The following AMD1 variants were observed in gnomAD, a reference collection of about 807,000 sequenced individuals.
AMD1 encodes the protein S-adenosylmethionine decarboxylase proenzyme.
Under a neutral mutation model 40.2 loss-of-function variants are expected in AMD1, and 11 were observed. That is an observed-to-expected ratio of 0.27 (90% CI 0.17 to 0.45). AMD1 has a LOEUF of 0.45. Among genes scored for constraint, AMD1 ranks in the 20% least tolerant of loss-of-function variants. The pLI, the probability that AMD1 is intolerant of heterozygous loss-of-function variation, is 1.00. For synonymous variants in AMD1, 121 were observed against 130.8 expected (o/e 0.93, Z 0.51); for missense variants, 257 against 410.2 (o/e 0.63, Z 3.23).
At chr6:110,824,832 T>C in the AMD1 span, among the ~76,000 whole-genome samples, 1 of 152,192 alleles carries the variant, frequency 6.6e-6, no homozygotes. Flanking sequence ...CTAACTTTTA[T>C]TGAATCCTAG....
chr6:110,874,634 C>G (rs890909398), upstream of AMD1: 1 of 154,874 alleles, frequency 6.5e-6, no homozygotes, highest in Admixed American at 6.5e-5. Flanking sequence ...CCCGCGCTCT[C>G]CGCCAGGCCC....
the AMD1 span, chr6:110,863,813 G>A: frequency 6.0e-6 from 2 of 332,900 alleles, no homozygotes; most frequent in South Asian, 2.9e-5. Flanking sequence ...GAAACAAATG[G>A]CATCACCTGG....
chr6:110,858,783 C>A, the AMD1 span: 2 of 764,892 alleles, frequency 2.6e-6, no homozygotes, highest in Admixed American at 1.8e-5. Context: ...TCGGGCATGA[C>A]CGCGTACAGC....
the AMD1 span, chr6:110,859,086 GC>G: frequency 7.8e-7 from 1 of 1,283,692 alleles, no homozygotes; most frequent in East Asian, 2.3e-5. Context: ...TCCCTCGGGC[GC>G]GCAGGCTCGG....
In AMD1 at chr6:110,874,947, T is replaced by C. The variant is rs1286803579; in HGVS notation, c.-159T>C. On this transcript the variant is annotated 5_prime_UTR_variant, in exon 1 of 9. Coordinates refer to ENST00000368885, the MANE Select transcript of AMD1 (RefSeq NM_001634.6). ...CCGGGAAAATTTTATTAGTCCTTTT[T>C]TTAAAAAAAGTTAATATAAAATTAT... The C allele has an allele frequency of 5.0e-6, 3 of 600,224 alleles. No homozygotes were observed. The highest frequency in any genetic ancestry group is 3.1e-5 in the Admixed American group (1 of 32,606). 37.2% of individuals were successfully genotyped at this position (600,224 alleles called of 1,614,324 possible).
At chr6:110,824,954 T>C in the AMD1 span, among the ~76,000 whole-genome samples, 2 of 152,190 alleles carry the variant, frequency 1.3e-5, no homozygotes, top group Non-Finnish European at 2.9e-5. Flanking sequence ...TGTAGTTTTA[T>C]GGTTAGACAG....
At chr6:110,847,917 T>C in the AMD1 span, among the ~76,000 whole-genome samples, 2 of 151,624 alleles carry the variant, frequency 1.3e-5, no homozygotes, top group East Asian at 2.0e-4. Flanking sequence ...GGTTTCACCA[T>C]GTTGGCCAGG....
intron 1 of AMD1, among the ~76,000 whole-genome samples, chr6:110,880,109 C>T (rs1469534729): frequency 2.0e-5 from 3 of 152,216 alleles, no homozygotes; most frequent in South Asian, 4.2e-4. Context: ...GTATGCACCA[C>T]GATGCCTGGC....
At chr6:110,836,926 G>A in the AMD1 span, among the ~76,000 whole-genome samples, 1 of 152,036 alleles carries the variant, frequency 6.6e-6, no homozygotes, top group East Asian at 1.9e-4. Flanking sequence ...GGCTGAGAAG[G>A]GAACATGGCT....
the AMD1 span, chr6:110,815,991 TC>T: frequency 6.6e-6 from 1 of 152,238 alleles, no homozygotes; most frequent in Non-Finnish European, 1.5e-5. Context: ...GGCTTTGGCT[TC>T]TTTCCCGCTC....
chr6:110,890,398 TAGAA>T (rs1785947664), intron 4 of AMD1, 42 bp downstream of exon 4: 1 of 1,396,290 alleles, frequency 7.2e-7, no homozygotes, highest in African/African-American at 1.4e-5. Context: ...TTCTTAAAGA[TAGAA>T]AGTGCAACCT....
chr6:110,854,448 T>C, the AMD1 span, among the ~76,000 whole-genome samples: 1 of 152,018 alleles, frequency 6.6e-6, no homozygotes, highest in African/African-American at 2.4e-5. Context: ...CTTTCTTTTC[T>C]TTCTTTCTTT....
At chr6:110,828,222 G>C in the AMD1 span, among the ~76,000 whole-genome samples, 1 of 152,170 alleles carries the variant, frequency 6.6e-6, no homozygotes, top group Admixed American at 6.5e-5. Context: ...CTTGAGGCCA[G>C]TAGTTCAAGA....
At chr6:110,831,243 G>T in the AMD1 span, among the ~76,000 whole-genome samples, 3 of 152,032 alleles carry the variant, frequency 2.0e-5, no homozygotes, top group Middle Eastern at 3.4e-3. Flanking sequence ...TTCAAGACCA[G>T]TCTGGCCAAC....
intron 1 of AMD1, among the ~76,000 whole-genome samples, chr6:110,876,954 C>G (rs1338509579): frequency 6.6e-6 from 1 of 152,156 alleles, no homozygotes; most frequent in Non-Finnish European, 1.5e-5. Context: ...TTTGTTCTCC[C>G]CAAGTTCTTG....
chr6:110,838,929 C>G, the AMD1 span, among the ~76,000 whole-genome samples: 4 of 152,002 alleles, frequency 2.6e-5, no homozygotes, highest in Non-Finnish European at 2.9e-5. Context: ...CCACCACAGC[C>G]AGATAATTTT....
At chr6:110,892,512 G>GTT in intron 6 of AMD1, 69 bp downstream of exon 6, 1 of 1,592,792 alleles carries the variant, frequency 6.3e-7, no homozygotes, top group Non-Finnish European at 8.6e-7. Flanking sequence ...TTTTCATTCT[G>GTT]TAACTTTTAA....
intron 2 of AMD1, chr6:110,888,328 T>C (rs1252454691): frequency 2.6e-5 from 4 of 152,446 alleles, no homozygotes; most frequent in Non-Finnish European, 4.4e-5. Context: ...CCCCTTTTTT[T>C]TTCTGAGGCG....
Position 110,890,309 on chromosome 6 carries a change from A to G in AMD1, c.380A>G (p.His127Arg), listed in dbSNP as rs766168455. 2 of 1,599,804 alleles carry G rather than the reference A, an allele frequency of 1.3e-6. No individual in the cohort carries two copies. Among genetic ancestry groups the G allele is most frequent in the Non-Finnish European group, 1.7e-6 (2 of 1,176,994 alleles). The change falls in exon 4 of 9, where the codon CAC becomes CGC. Residue 127 changes from histidine to arginine, a missense_variant. Coordinates refer to ENST00000368885, the MANE Select transcript of AMD1 (RefSeq NM_001634.6). ...FMKPSHQGYP[H>R]RNFQEEIEFL... is the part of the protein sequence containing the mutation. ...AAGCCTTCTCACCAAGGGTACCCAC[A>G]CCGGAATTTCCAGGAAGAAATAGAG... is the stretch of plus-strand genomic sequence containing the variant.
Sources: gnomAD v4.1 joint callset for allele counts (sites outside exome capture counted in the v4.1 genomes callset) on GRCh38, gnomAD v4.1.1 for gene constraint, MANE v1.5 for transcripts, NCBI Gene and HGNC (gene_info 2026-07-23, HGNC 2026-07-21) for gene names.